Variants in RAB27A observed in about 807,000 individuals in gnomAD.
RAB27A encodes RAB27A, member RAS oncogene family, also known as ras-related protein Rab-27A.
Under a neutral mutation model 20.8 loss-of-function variants are expected in RAB27A, and 17 were observed. The observed-to-expected ratio is 0.82, with a 90% CI of 0.56 to 1.23. RAB27A has a LOEUF of 1.23. Among genes scored for constraint, RAB27A ranks in the 50% most tolerant of loss-of-function variants. The pLI is 0.00. For missense variants in RAB27A, 277 were observed against 266.7 expected, an observed-to-expected ratio of 1.04 and a Z score of -0.27; for synonymous variants, 85 against 92.8, an observed-to-expected ratio of 0.92 and a Z score of 0.48.
intron 2 of RAB27A, among the ~76,000 whole-genome samples, chr15:55,301,579 A>G (rs2054972243): frequency 6.6e-6 from 1 of 151,652 alleles, no homozygotes; most frequent in Non-Finnish European, 1.5e-5. Flanking sequence ...GGTTTTTAAT[A>G]TATTCACAAA....
Position 55,312,224 on chromosome 15 carries a change from G to A in RAB27A, c.-112+1815C>T, listed in dbSNP as rs548179116. Among the ~76,000 whole-genome samples, 146 of 152,312 alleles carry A rather than the reference G, an allele frequency of 9.6e-4. 2 individuals carry two copies. The highest frequency in any genetic ancestry group is 3.3e-3 in the African/African-American group (138 of 41,570). ...ATCCGGAGGGATGGAAGTCAGCGGCGGGTCTGCGACAGCGGCAAACAACAG... is the reference window on the plus strand; with the variant it reads ...ATCCGGAGGGATGGAAGTCAGCGGCAGGTCTGCGACAGCGGCAAACAACAG... On this transcript the variant is annotated intron_variant, in intron 2 of 5. Transcript: ENST00000563262.
intron 6 of RAB27A, among the ~76,000 whole-genome samples, chr15:55,210,035 T>C (rs1397684561): frequency 6.9e-6 from 1 of 145,832 alleles, no homozygotes; most frequent in Non-Finnish European, 1.5e-5. Flanking sequence ...TATATATGTG[T>C]GTGTACATGT....
intron 2 of RAB27A, among the ~76,000 whole-genome samples, chr15:55,257,768 G>C (rs376399585): frequency 1.1e-3 from 163 of 152,254 alleles, no homozygotes; most frequent in African/African-American, 3.7e-3. Flanking sequence ...CAAAGCTGGC[G>C]GATCACCTGA....
intron 1 of RAB27A, among the ~76,000 whole-genome samples, chr15:55,280,803 C>T (rs943039403): frequency 6.6e-6 from 1 of 151,978 alleles, no homozygotes; most frequent in Non-Finnish European, 1.5e-5. Context: ...TGATGGTTTC[C>T]AGCTTCATCC....
intron 2 of RAB27A, among the ~76,000 whole-genome samples, chr15:55,305,476 C>T (rs1213350236): frequency 6.6e-6 from 1 of 152,096 alleles, no homozygotes; most frequent in Non-Finnish European, 1.5e-5. Context: ...ACAAACTTAA[C>T]AAGGAGGTTA....
intron 2 of RAB27A, among the ~76,000 whole-genome samples, chr15:55,301,113 G>A (rs997210900): frequency 1.3e-5 from 2 of 152,046 alleles, no homozygotes; most frequent in South Asian, 2.1e-4. Flanking sequence ...GGAGTTCATG[G>A]AGGTTAAAGG....
intron 2 of RAB27A, among the ~76,000 whole-genome samples, chr15:55,302,158 CAG>C (rs1203206549): frequency 7.2e-6 from 1 of 138,740 alleles, no homozygotes; most frequent in African/African-American, 2.9e-5. Flanking sequence ...GCCTGGGTGA[CAG>C]AGGGAGACTC....
At chr15:55,303,935 C>T (rs2054986667) in intron 2 of RAB27A, among the ~76,000 whole-genome samples, 2 of 148,216 alleles carry the variant, frequency 1.3e-5, no homozygotes, top group South Asian at 4.3e-4. Context: ...AGCCCCTCTG[C>T]CCGGCCACCA....
At position 55,209,884 on chromosome 15, in the gene RAB27A, GTA is replaced by G. The variant is rs1420784352; in HGVS notation, c.468-4181_468-4180del. On this transcript the variant is annotated intron_variant, in intron 6 of 6. Coordinates refer to ENST00000336787, the MANE Select transcript of RAB27A (RefSeq NM_183235.3). ...TATACATATATACATATATGTGTGT[GTA>G]TACATATATACACATATGTGTGTGT... Among the ~76,000 whole-genome samples the G allele has an allele frequency of 1.4e-4, 9 of 66,248 alleles. 1 individual carries two copies. Among genetic ancestry groups the G allele is most frequent in the East Asian group, 3.7e-4 (1 of 2,718 alleles). The allele number at this position is 66,248 out of a possible 152,430, so 43.5% of individuals were successfully genotyped here.
intron 2 of RAB27A, chr15:55,314,015 T>TAAACAAAC (rs1244785428): frequency 1.5e-4 from 23 of 149,556 alleles, no homozygotes; most frequent in African/African-American, 5.7e-4. Flanking sequence ...AATAAATAAA[T>TAAACAAAC]AAACCGGGTG....
chr15:55,232,505 A>C (rs1245605722), intron 3 of RAB27A, among the ~76,000 whole-genome samples: 1 of 152,230 alleles, frequency 6.6e-6, no homozygotes, highest in Non-Finnish European at 1.5e-5. Context: ...ATTCCTGAGG[A>C]GGCCCAGATG....
chr15:55,256,822 A>T (rs971153666), intron 2 of RAB27A, among the ~76,000 whole-genome samples: 1 of 152,196 alleles, frequency 6.6e-6, no homozygotes, highest in Non-Finnish European at 1.5e-5. Context: ...GTTTGACCAC[A>T]ATGGTCTCTT....
chr15:55,298,493 G>C (rs564247674), intron 2 of RAB27A, among the ~76,000 whole-genome samples: 1 of 152,280 alleles, frequency 6.6e-6, no homozygotes, highest in Non-Finnish European at 1.5e-5. Flanking sequence ...ACTTCACAAA[G>C]TAATAGAATA....
intron 6 of RAB27A, among the ~76,000 whole-genome samples, chr15:55,208,359 T>C (rs1273588555): frequency 3.9e-5 from 6 of 152,142 alleles, no homozygotes; most frequent in South Asian, 2.1e-4. Context: ...TAACCGAAAA[T>C]TGTGGCTCAA....
chr15:55,302,227 A>C (rs767944408), intron 2 of RAB27A, among the ~76,000 whole-genome samples: 88 of 151,170 alleles, frequency 5.8e-4, no homozygotes, highest in Non-Finnish European at 8.6e-4. Context: ...AACAACAACA[A>C]CACCCGCCGC....
At chr15:55,215,005 G>C (rs374233267) in intron 6 of RAB27A, among the ~76,000 whole-genome samples, 1 of 152,192 alleles carries the variant, frequency 6.6e-6, no homozygotes, top group African/African-American at 2.4e-5. Context: ...GAGAGGGTTT[G>C]ACCATTCTAT....
chr15:55,289,971 G>A (rs1898269473), upstream of RAB27A: 1 of 152,132 alleles, frequency 6.6e-6, no homozygotes, highest in Non-Finnish European at 1.5e-5. Context: ...CGCCTCCGAG[G>A]GGTCCTCTGT....
chr15:55,269,373 C>A (rs1406916566), intron 2 of RAB27A, among the ~76,000 whole-genome samples: 1 of 152,168 alleles, frequency 6.6e-6, no homozygotes. Flanking sequence ...AGAATTAACA[C>A]TAATTTAAAA....
At position 55,228,702 on chromosome 15, in the gene RAB27A, A is replaced by G. The variant is rs766211782; in HGVS notation, c.250T>C (p.Leu84=). The change falls in exon 5 of 7, where the codon TTA becomes CTA. Residue 84 remains leucine (L), a synonymous_variant. Coordinates refer to ENST00000336787, the MANE Select transcript of RAB27A (RefSeq NM_183235.3). ...DTAGQERFRS[L]TTAFFRDAMG... is the part of the protein sequence containing the mutation. ...GCATCTCTGAAGAACGCTGTCGTTA[A>G]GCTACGAAACCTAGGAACATAAAAG... 6.2e-7 allele frequency: 1 copy of G among 1,612,694 alleles called. No homozygotes were observed. Among genetic ancestry groups the G allele is most frequent in the Non-Finnish European group, 8.5e-7 (1 of 1,178,784 alleles).
Sources: gnomAD v4.1 joint callset for allele counts (sites outside exome capture counted in the v4.1 genomes callset) on GRCh38, gnomAD v4.1.1 for gene constraint, MANE v1.5 for transcripts, NCBI Gene and HGNC (gene_info 2026-07-23, HGNC 2026-07-21) for gene names.